The following CCDC180 variants were observed in gnomAD, a reference collection of about 807,000 sequenced individuals.
CCDC180 encodes coiled-coil domain containing 180, also known as coiled-coil domain-containing protein 180.
CCDC180 carries 154 observed loss-of-function variants against 209.2 expected under a neutral mutation model. The observed-to-expected ratio is 0.74, with a 90% CI of 0.65 to 0.84. CCDC180 has a LOEUF of 0.84. CCDC180 is among the 40% of genes least tolerant of loss of function. CCDC180 has a pLI of 0.00. For synonymous variants in CCDC180, 778 were observed against 749.1 expected, an observed-to-expected ratio of 1.04 and a Z score of -0.63; for missense variants, 1,874 against 1,997.3, an observed-to-expected ratio of 0.94 and a Z score of 1.18.
intron 21 of CCDC180, 24 bp downstream of exon 21, chr9:97,349,315 C>T (rs1360277911): frequency 1.3e-6 from 2 of 1,526,122 alleles, no homozygotes; most frequent in Non-Finnish European, 1.8e-6. Flanking sequence ...GGAGTCTCCA[C>T]CCCAGCCATG....
chr9:97,370,828 C>G (rs199556696), intron 33 of CCDC180, 50 bp downstream of exon 33: 5 of 1,590,994 alleles, frequency 3.1e-6, no homozygotes, highest in South Asian at 2.3e-5. Flanking sequence ...AAATATAGCC[C>G]GATGGACAGC....
chr9:97,368,214 G>A (rs975923088), intron 31 of CCDC180, among the ~76,000 whole-genome samples: 2 of 152,194 alleles, frequency 1.3e-5, no homozygotes, highest in Non-Finnish European at 2.9e-5. Flanking sequence ...CAAGCTATCT[G>A]TAAAGTGAGA....
chr9:97,319,537 T>C (rs1162680989), intron 10 of CCDC180, among the ~76,000 whole-genome samples: 2 of 152,192 alleles, frequency 1.3e-5, no homozygotes. Flanking sequence ...TTTATGCCCA[T>C]ATGTATTCAA....
Position 97,349,160 on chromosome 9 carries a change from G to T in CCDC180, c.2724G>T (p.Val908=). 1 of 1,536,264 alleles carries T rather than the reference G, an allele frequency of 6.5e-7. No individual in the cohort carries two copies. Among genetic ancestry groups the T allele is most frequent in the South Asian group, 1.2e-5 (1 of 84,038 alleles). The change falls in exon 21 of 37, where the codon GTG becomes GTT. Residue 908 remains valine (V), a synonymous_variant. Transcript: ENST00000529487. Reference sequence around the variant, plus strand: ...AGTTGGACAGCCACTGTGCTGGGGTGACCGAGACGCTGAAGAAGAAGCGGC... The same window carrying T: ...AGTTGGACAGCCACTGTGCTGGGGTTACCGAGACGCTGAAGAAGAAGCGGC... ...QEQLDSHCAG[V]TETLKKKRLM...
chr9:97,337,870 A>G (rs55693449), intron 18 of CCDC180, among the ~76,000 whole-genome samples: 29 of 152,284 alleles, frequency 1.9e-4, no homozygotes, highest in Non-Finnish European at 3.7e-4. Flanking sequence ...CAGGGATTCA[A>G]CTTCTTCCTG....
At chr9:97,321,397 C>T (rs1206741746) in intron 11 of CCDC180, among the ~76,000 whole-genome samples, 7 of 152,164 alleles carry the variant, frequency 4.6e-5, no homozygotes, top group African/African-American at 1.7e-4. Flanking sequence ...GTGTCATTGT[C>T]CTCTTGTAGT....
intron 19 of CCDC180, among the ~76,000 whole-genome samples, chr9:97,344,731 A>G (rs555676299): frequency 2.0e-5 from 3 of 152,180 alleles, no homozygotes; most frequent in Non-Finnish European, 2.9e-5. Context: ...TATCTGTCCA[A>G]CTGATTGGGT....
intron 11 of CCDC180, among the ~76,000 whole-genome samples, chr9:97,321,091 T>G (rs1221592231): frequency 6.6e-6 from 1 of 152,188 alleles, no homozygotes; most frequent in Non-Finnish European, 1.5e-5. Flanking sequence ...GGTAAACAAG[T>G]GTACTCTGTT....
At chr9:97,318,104 C>G (rs1273911930) in intron 9 of CCDC180, among the ~76,000 whole-genome samples, 1 of 152,130 alleles carries the variant, frequency 6.6e-6, no homozygotes, top group Non-Finnish European at 1.5e-5. Flanking sequence ...GAAGAAGAAA[C>G]TGAGGTTCAG....
intron 25 of CCDC180, among the ~76,000 whole-genome samples, chr9:97,359,088 C>T (rs1002172474): frequency 1.3e-5 from 2 of 152,204 alleles, no homozygotes; most frequent in Non-Finnish European, 2.9e-5. Context: ...AGATTACTTG[C>T]CCTGCAGTGC....
chr9:97,307,860 C>A, intron 1 of CCDC180, 54 bp downstream of exon 1: 1 of 1,608,756 alleles, frequency 6.2e-7, no homozygotes. Context: ...GTTCCCCAGC[C>A]GCCTACCCCC....
chr9:97,334,928 A>G (rs1825856354), intron 18 of CCDC180, among the ~76,000 whole-genome samples: 1 of 152,156 alleles, frequency 6.6e-6, no homozygotes, highest in South Asian at 2.1e-4. Flanking sequence ...TCTCAGAGAG[A>G]TTATATATCT....
upstream of CCDC180, chr9:97,307,536 G>A (rs929959136): frequency 4.9e-6 from 3 of 613,826 alleles, no homozygotes; most frequent in Non-Finnish European, 8.8e-6. Flanking sequence ...CGCCTAATTA[G>A]CGTGACCTGA....
Position 97,376,850 on chromosome 9 carries a change from A to T in CCDC180, c.4930A>T (p.Ser1644Cys). 6.2e-7 allele frequency: 1 copy of T among 1,613,112 alleles called. No homozygotes were observed. Among genetic ancestry groups the T allele is most frequent in the East Asian group, 2.2e-5 (1 of 44,886 alleles). Reference protein sequence around the residue: ...QIKEAQRWKDSWKQSLHTIQG... With the variant: ...QIKEAQRWKDCWKQSLHTIQG... ...AAAGGAGGCTCAGCGCTGGAAGGAC[A>T]GCTGGAAGCAGTCCCTGCACACTAT... The change falls in exon 37 of 37, where the codon AGC becomes TGC. Residue 1644 changes from serine to cysteine, a missense_variant. Ser to Cys is a moderately radical substitution (Grantham distance 112). Coordinates refer to ENST00000529487, the MANE Select transcript of CCDC180 (RefSeq NM_020893.6).
intron 14 of CCDC180, 147 bp downstream of exon 14, chr9:97,325,339 A>C (rs910239649): frequency 5.2e-6 from 4 of 768,098 alleles, no homozygotes; most frequent in Non-Finnish European, 8.2e-6. Context: ...ATCAGATGGG[A>C]GTAGCAGAAA....
At chr9:97,354,218 C>G (rs1231997556) in intron 22 of CCDC180, among the ~76,000 whole-genome samples, 1 of 152,070 alleles carries the variant, frequency 6.6e-6, no homozygotes, top group Non-Finnish European at 1.5e-5. Flanking sequence ...ATCTTGAACT[C>G]CTGGCCTCAA....
intron 9 of CCDC180, among the ~76,000 whole-genome samples, chr9:97,317,527 A>C (rs1833217322): frequency 6.6e-6 from 1 of 152,098 alleles, no homozygotes; most frequent in South Asian, 2.1e-4. Context: ...CCATTCTCTG[A>C]GCTCCATACA....
intron 3 of CCDC180, 121 bp downstream of exon 3, chr9:97,309,725 A>G: frequency 1.3e-6 from 1 of 759,216 alleles, no homozygotes. Flanking sequence ...ACCACCCCTA[A>G]AGCAGGGAGG....
intron 10 of CCDC180, among the ~76,000 whole-genome samples, chr9:97,319,729 T>C (rs1438645327): frequency 6.6e-6 from 1 of 152,222 alleles, no homozygotes; most frequent in Non-Finnish European, 1.5e-5. Flanking sequence ...TTTCTACTGT[T>C]GATGTGAAGG....
Sources: allele counts gnomAD v4.1 joint callset (sites outside exome capture counted in the v4.1 genomes callset), GRCh38; gene constraint gnomAD v4.1.1; transcripts MANE v1.5; gene names NCBI Gene and HGNC (gene_info 2026-07-23, HGNC 2026-07-21).